Variants in SNX31 observed in about 807,000 individuals in gnomAD.
The protein encoded by SNX31 is sorting nexin 31, also known as sorting nexin-31.
A neutral mutation model predicts 65.4 loss-of-function variants in SNX31; 58 were observed. The observed-to-expected ratio is 0.89, with a 90% CI of 0.72 to 1.10. SNX31 has a LOEUF of 1.10. Among genes scored for constraint, SNX31 ranks in the 50% least tolerant of loss-of-function variants. The probability of loss-of-function intolerance (pLI) is 0.00; values close to 1 mark genes in which losing one functional copy is unlikely to be tolerated. For missense variants in SNX31, 523 were observed against 529.7 expected (o/e 0.99, Z 0.12); for synonymous variants, 181 against 190.1 (o/e 0.95, Z 0.39).
intron 2 of SNX31, 50 bp from the exon 3 acceptor site, chr8:100,636,061 G>T: frequency 7.2e-7 from 1 of 1,396,394 alleles, no homozygotes; most frequent in Non-Finnish European, 1.0e-6. Context: ...CCAGTTCAGG[G>T]TTGATGAGAT....
intron 2 of SNX31, among the ~76,000 whole-genome samples, chr8:100,643,160 T>C (rs1309625717): frequency 6.6e-6 from 1 of 151,994 alleles, no homozygotes; most frequent in Non-Finnish European, 1.5e-5. Context: ...ACCACCTCAC[T>C]GCAGCTTAGG....
At chr8:100,603,015 G>A (rs1423181838) in intron 8 of SNX31, among the ~76,000 whole-genome samples, 2 of 152,144 alleles carry the variant, frequency 1.3e-5, no homozygotes, top group Non-Finnish European at 2.9e-5. Flanking sequence ...TGATGTTCAA[G>A]ATGACCCAGC....
At position 100,573,684 on chromosome 8, in the gene SNX31, C is replaced by A; in HGVS notation, c.*181G>T. 5.3e-6 allele frequency: 2 copies of A among 374,182 alleles called. No homozygotes were observed. Among genetic ancestry groups the A allele is most frequent in the Admixed American group, 4.6e-5 (1 of 21,630 alleles). The allele number at this position is 374,182 out of a possible 1,614,324, so 23.2% of individuals were successfully genotyped here. A position where few individuals can be genotyped will look rare whatever the true frequency, so the allele number is the denominator to read the frequency against. On this transcript the variant is annotated 3_prime_UTR_variant, in exon 14 of 14. Coordinates refer to ENST00000311812, the MANE Select transcript of SNX31 (RefSeq NM_152628.4). ...ACTTGGTTCTTTTTTTTTTTCTAATCTTGAGATTTCCATAGAGTGCTGTGG... is the reference window on the plus strand; with the variant it reads ...ACTTGGTTCTTTTTTTTTTTCTAATATTGAGATTTCCATAGAGTGCTGTGG...
chr8:100,636,566 T>C (rs1256588085), intron 2 of SNX31, among the ~76,000 whole-genome samples: 3 of 152,232 alleles, frequency 2.0e-5, no homozygotes, highest in Non-Finnish European at 2.9e-5. Context: ...TCGCTGATAA[T>C]TTTTTATACT....
In SNX31 at chr8:100,610,675, A is replaced by C. The variant is rs1816632502; in HGVS notation, c.611+1325T>G. ...GCAGCTTCCAGAACAGCTGTTCTCTAAACCATTGGATGGAACTGAGTTCTT... is the reference window on the plus strand; with the variant it reads ...GCAGCTTCCAGAACAGCTGTTCTCTCAACCATTGGATGGAACTGAGTTCTT... On this transcript the variant is annotated intron_variant, in intron 7 of 13. Coordinates refer to ENST00000311812, the MANE Select transcript of SNX31 (RefSeq NM_152628.4). This position sits in a 1 kb window ranked among gnomAD's most constrained non-coding sequence, Gnocchi z 4.0. 6.6e-6 allele frequency among the ~76,000 whole-genome samples: 1 copy of C among 152,192 alleles called. No individual in the cohort carries two copies. The highest frequency in any genetic ancestry group is 2.1e-4 in the South Asian group (1 of 4,832).
rs889283218 is a variant in SNX31, at chr8:100,613,977, C to G, written c.433-892G>C. On this transcript the variant is annotated intron_variant, in intron 5 of 13. Coordinates refer to ENST00000311812, the MANE Select transcript of SNX31 (RefSeq NM_152628.4). This position sits in a 1 kb window ranked among gnomAD's most constrained non-coding sequence, Gnocchi z 5.2. ...CTCCAGAGCTGCTTTACCCACGACT[C>G]CCAGTTCTCTAGGTGGCAGTTGTAC... 2.0e-5 allele frequency among the ~76,000 whole-genome samples: 3 copies of G among 152,152 alleles called. No individual in the cohort carries two copies. Among genetic ancestry groups the G allele is most frequent in the Non-Finnish European group, 2.9e-5 (2 of 68,018 alleles).
At chr8:100,616,280 C>G (rs1381533180) in intron 5 of SNX31, among the ~76,000 whole-genome samples, 1 of 152,120 alleles carries the variant, frequency 6.6e-6, no homozygotes, top group Admixed American at 6.5e-5. Context: ...GCAGGCATGT[C>G]TAGTTTGGTC....
chr8:100,599,741 C>T (rs531941380), intron 9 of SNX31, among the ~76,000 whole-genome samples: 22 of 152,262 alleles, frequency 1.4e-4, no homozygotes, highest in South Asian at 4.1e-4. Context: ...TGTTAAAATA[C>T]GTCTTGTCTG....
chr8:100,607,080 T>A (rs1180906940), intron 8 of SNX31, among the ~76,000 whole-genome samples: 1 of 152,122 alleles, frequency 6.6e-6, no homozygotes, highest in Admixed American at 6.5e-5. Context: ...GTAGAAATGC[T>A]ACGGAGGAAA....
intron 2 of SNX31, among the ~76,000 whole-genome samples, chr8:100,643,804 C>G (rs942338396): frequency 4.6e-5 from 7 of 152,166 alleles, no homozygotes; most frequent in Admixed American, 2.0e-4. Flanking sequence ...TACCCACAAG[C>G]CTTCATTCTG....
At chr8:100,646,851 A>G (rs999594512) in intron 2 of SNX31, among the ~76,000 whole-genome samples, 9 of 152,308 alleles carry the variant, frequency 5.9e-5, no homozygotes, top group African/African-American at 2.2e-4. Context: ...TACTGATACG[A>G]TTTATTTTAT....
intron 4 of SNX31, among the ~76,000 whole-genome samples, chr8:100,623,402 G>C (rs1383713192): frequency 1.3e-5 from 2 of 152,052 alleles, no homozygotes; most frequent in African/African-American, 4.8e-5. Flanking sequence ...ATGGGATTTG[G>C]GGGAGAACAG....
intron 10 of SNX31, among the ~76,000 whole-genome samples, chr8:100,593,392 C>T (rs1027336953): frequency 2.6e-5 from 4 of 152,082 alleles, no homozygotes; most frequent in African/African-American, 9.7e-5. Flanking sequence ...AACTGGACCT[C>T]CAGAGGCAAA....
chr8:100,653,494 G>A (rs1820008036), upstream of SNX31, among the ~76,000 whole-genome samples: 1 of 152,206 alleles, frequency 6.6e-6, no homozygotes. Context: ...GAGACACAGA[G>A]GAGAAGGCCA....
At position 100,584,169 on chromosome 8, in the gene SNX31, C is replaced by G. The variant is rs1224560396; in HGVS notation, c.1112G>C (p.Cys371Ser). The change falls in exon 12 of 14, where the codon TGC becomes TCC. Residue 371 changes from cysteine (C) to serine (S), a missense_variant. Physicochemically the swap from Cys to Ser is moderately radical, Grantham distance 112. Transcript: ENST00000311812. ...YTKQAFLLSS[C>S]LKKMISEKMV... ...CTTTTCTGAGATCATCTTTTTCAAG[C>G]AGCTACTCAGCAAAAAAGCCTAAGA... 1 of 1,597,376 alleles carries G rather than the reference C, an allele frequency of 6.3e-7. No homozygotes were observed. Among genetic ancestry groups the G allele is most frequent in the Non-Finnish European group, 8.5e-7 (1 of 1,173,644 alleles).
At chr8:100,586,431 C>G (rs537976632) in intron 11 of SNX31, among the ~76,000 whole-genome samples, 1 of 152,230 alleles carries the variant, frequency 6.6e-6, no homozygotes, top group South Asian at 2.1e-4. Flanking sequence ...GAAATAAGAC[C>G]TTACTAGGAA....
intron 2 of SNX31, among the ~76,000 whole-genome samples, chr8:100,642,595 G>A (rs925937089): frequency 4.6e-5 from 7 of 152,220 alleles, no homozygotes; most frequent in African/African-American, 1.2e-4. Flanking sequence ...ACCTAAGGGG[G>A]ACAATGAACA....
intron 9 of SNX31, among the ~76,000 whole-genome samples, chr8:100,597,273 G>A (rs1015018679): frequency 6.0e-5 from 9 of 150,784 alleles, no homozygotes; most frequent in South Asian, 4.2e-4. Flanking sequence ...ACGGAGTCTC[G>A]TTCTATCACC....
intron 2 of SNX31, among the ~76,000 whole-genome samples, chr8:100,641,869 G>C (rs1237285181): frequency 1.3e-5 from 2 of 150,622 alleles, no homozygotes; most frequent in African/African-American, 4.9e-5. Flanking sequence ...ACGAGGTCAG[G>C]AGATCTAGAC....
Sources: gnomAD v4.1 joint callset for allele counts (sites outside exome capture counted in the v4.1 genomes callset) on GRCh38, gnomAD v4.1.1 for gene constraint, Gnocchi (gnomAD v3.1) non-coding constraint, MANE v1.5 for transcripts, NCBI Gene and HGNC (gene_info 2026-07-23, HGNC 2026-07-21) for gene names.